MAD1L1: variants seen among roughly 807,000 people sequenced by gnomAD.
The protein encoded by MAD1L1 is mitotic arrest deficient 1 like 1, also known as mitotic spindle assembly checkpoint protein MAD1.
A neutral mutation model predicts 96.9 loss-of-function variants in MAD1L1; 95 were observed. The ratio of observed to expected loss-of-function variants is 0.98; its 90% CI spans 0.83 to 1.16. The LOEUF (loss-of-function observed/expected upper bound fraction) is 1.16, where lower values mean the gene tolerates loss of function less well. Ranked by LOEUF, MAD1L1 falls within the 50% of genes most tolerant of loss-of-function variation. MAD1L1 has a pLI of 0.00. For synonymous variants in MAD1L1, 473 were observed against 396.6 expected, an observed-to-expected ratio of 1.19 and a Z score of -2.29; for missense variants, 1,007 against 954.4, an observed-to-expected ratio of 1.06 and a Z score of -0.73.
chr7:1,946,418 T>C (rs952078449), intron 16 of MAD1L1, among the ~76,000 whole-genome samples: 1 of 152,224 alleles, frequency 6.6e-6, no homozygotes, highest in Non-Finnish European at 1.5e-5. Flanking sequence ...GGCTGTTAGC[T>C]GACAGCTTCC....
chr7:1,821,080 C>CA (rs35460625), intron 18 of MAD1L1, among the ~76,000 whole-genome samples: 222 of 30,264 alleles, frequency 7.3e-3, no homozygotes, highest in Admixed American at 0.014. Flanking sequence ...GACTCCATCT[C>CA]AAAAAAAAAA....
In MAD1L1 at chr7:2,000,576, G is replaced by C. The variant is rs552562752; in HGVS notation, c.1416+1489C>G. Among the ~76,000 whole-genome samples, 3 of 152,306 alleles carry C rather than the reference G, an allele frequency of 2.0e-5. No homozygotes were observed. In the South Asian group the frequency reaches 6.2e-4, roughly 32 times the overall value. ...AGTCGGGTCCCCCAGGCTTGGCTCA[G>C]GACGCTCTGCAGAGCGGCCCCGGGA... On this transcript the variant is annotated intron_variant, in intron 14 of 18. Transcript: ENST00000265854.
intron 12 of MAD1L1, among the ~76,000 whole-genome samples, chr7:2,020,545 G>A (rs748471896): frequency 9.2e-5 from 14 of 152,192 alleles, no homozygotes; most frequent in Non-Finnish European, 1.5e-4. Context: ...TGAGGACCCC[G>A]CCTCTGTGAG....
At chr7:2,001,312 C>T (rs1781781975) in intron 14 of MAD1L1, among the ~76,000 whole-genome samples, 1 of 152,280 alleles carries the variant, frequency 6.6e-6, no homozygotes, top group Non-Finnish European at 1.5e-5. Flanking sequence ...CCAGGGCCGT[C>T]CTTGTCCTTC....
At chr7:2,160,882 G>A (rs1292610314) in intron 10 of MAD1L1, among the ~76,000 whole-genome samples, 2 of 152,062 alleles carry the variant, frequency 1.3e-5, no homozygotes, top group Non-Finnish European at 2.9e-5. Context: ...ACCTTATATT[G>A]CAGAATCAGG....
At chr7:2,036,842 T>C (rs982220541) in intron 12 of MAD1L1, among the ~76,000 whole-genome samples, 9 of 152,092 alleles carry the variant, frequency 5.9e-5, no homozygotes, top group Admixed American at 2.0e-4. Flanking sequence ...CTAAGCTGTC[T>C]ACAGATGCAG....
chr7:1,973,430 T>A (rs1780491007), intron 15 of MAD1L1, among the ~76,000 whole-genome samples: 1 of 151,894 alleles, frequency 6.6e-6, no homozygotes, highest in Non-Finnish European at 1.5e-5. Flanking sequence ...CAGGCAGGTG[T>A]GAACTGGGCC....
intron 14 of MAD1L1, 56 bp downstream of exon 14, chr7:2,002,009 G>A (rs557583575): frequency 2.5e-6 from 4 of 1,587,156 alleles, no homozygotes; most frequent in Admixed American, 3.3e-5. Flanking sequence ...AGGCGTCCCT[G>A]CCCAGACCCA....
intron 17 of MAD1L1, among the ~76,000 whole-genome samples, chr7:1,902,577 A>C (rs1787312113): frequency 6.6e-6 from 1 of 152,262 alleles, no homozygotes; most frequent in South Asian, 2.1e-4. Context: ...TTAGGAGTGC[A>C]GCCCCAGGGC....
chr7:1,857,481 G>A (rs748519167), intron 18 of MAD1L1, among the ~76,000 whole-genome samples: 1 of 152,172 alleles, frequency 6.6e-6, no homozygotes, highest in African/African-American at 2.4e-5. Context: ...CCCCCACCCC[G>A]CGTGTGCAGC....
intron 12 of MAD1L1, among the ~76,000 whole-genome samples, chr7:2,053,012 G>C (rs887674422): frequency 6.6e-6 from 1 of 152,164 alleles, no homozygotes; most frequent in Non-Finnish European, 1.5e-5. Flanking sequence ...GGTGGGTGCC[G>C]CCTCCAGTGC....
At chr7:2,057,071 C>T (rs560813630) in intron 12 of MAD1L1, among the ~76,000 whole-genome samples, 17 of 152,356 alleles carry the variant, frequency 1.1e-4, no homozygotes, top group African/African-American at 3.8e-4. Flanking sequence ...AGCCCTAAAG[C>T]GCCTCCCTTT....
At chr7:1,990,044 C>A (rs981922749) in intron 14 of MAD1L1, among the ~76,000 whole-genome samples, 2 of 152,246 alleles carry the variant, frequency 1.3e-5, no homozygotes, top group South Asian at 2.1e-4. Flanking sequence ...CTGGGTAACT[C>A]CCCCCACCGC....
chr7:2,143,382 A>G (rs983233741), intron 11 of MAD1L1, among the ~76,000 whole-genome samples: 1 of 150,778 alleles, frequency 6.6e-6, no homozygotes, highest in African/African-American at 2.4e-5. Flanking sequence ...TTCAGATGCC[A>G]GGTGACAAGG....
At chr7:1,953,275 C>A (rs1283241593) in intron 16 of MAD1L1, among the ~76,000 whole-genome samples, 14 of 152,192 alleles carry the variant, frequency 9.2e-5, no homozygotes, top group Non-Finnish European at 7.3e-5. Flanking sequence ...AATCTTCTAC[C>A]CACTCCTTCC....
rs56664541 is a variant in MAD1L1, at chr7:1,832,630, T to TTTTTG, written c.1999-16403_1999-16402insCAAAA. Among the ~76,000 whole-genome samples the TTTTTG allele has an allele frequency of 8.5e-4, 2 of 2,350 alleles. 1 individual carries two copies. Among genetic ancestry groups the TTTTTG allele is most frequent in the Non-Finnish European group, 1.7e-3 (2 of 1,212 alleles). The allele number at this position is 2,350 out of a possible 152,430, so 1.5% of individuals were successfully genotyped here. On this transcript the variant is annotated intron_variant, in intron 18 of 18. Coordinates refer to ENST00000265854, the MANE Select transcript of MAD1L1 (RefSeq NM_001013836.2). ...CTTCATTGCTGTGTTTTTTTTTTTT[T>TTTTTG]GGCGGGGGGGGGGGGGGTGGGGATG... is the stretch of plus-strand genomic sequence containing the variant.
chr7:1,964,699 A>G (rs1780087543), intron 15 of MAD1L1, among the ~76,000 whole-genome samples: 2 of 152,256 alleles, frequency 1.3e-5, no homozygotes, highest in South Asian at 4.1e-4. Context: ...GATGACGCCA[A>G]TCAAAGCAGG....
intron 18 of MAD1L1, among the ~76,000 whole-genome samples, chr7:1,880,719 C>T (rs936277616): frequency 2.6e-5 from 4 of 152,242 alleles, no homozygotes; most frequent in East Asian, 1.9e-4. Flanking sequence ...AGAAAGCACC[C>T]GGCCCCTGAG....
At chr7:2,152,700 C>G (rs1472916625) in intron 10 of MAD1L1, among the ~76,000 whole-genome samples, 2 of 152,208 alleles carry the variant, frequency 1.3e-5, no homozygotes. Context: ...CTCGGCTGGG[C>G]TTCCTAAGGC....
Sources: allele counts gnomAD v4.1 joint callset (sites outside exome capture counted in the v4.1 genomes callset), GRCh38; gene constraint gnomAD v4.1.1; transcripts MANE v1.5; gene names NCBI Gene and HGNC (gene_info 2026-07-23, HGNC 2026-07-21).